NGEF: variants seen among roughly 807,000 people sequenced by gnomAD.
NGEF encodes neuronal guanine nucleotide exchange factor.
Under a neutral mutation model 80.9 loss-of-function variants are expected in NGEF, and 31 were observed. The ratio of observed to expected loss-of-function variants is 0.38; its 90% CI spans 0.29 to 0.52. The LOEUF is 0.52. Among genes scored for constraint, NGEF ranks in the 20% least tolerant of loss-of-function variants. The pLI, the probability that NGEF is intolerant of heterozygous loss-of-function variation, is 0.84. For missense variants in NGEF, 709 were observed against 926.2 expected, an observed-to-expected ratio of 0.77 and a Z score of 3.04; for synonymous variants, 371 against 370.2, an observed-to-expected ratio of 1.00 and a Z score of -0.03.
intron 3 of NGEF, among the ~76,000 whole-genome samples, chr2:232,953,316 A>AAG (rs1553553839): frequency 8.0e-5 from 12 of 149,390 alleles, no homozygotes; most frequent in Non-Finnish European, 1.2e-4. Flanking sequence ...AAAAAAAAAA[A>AAG]AAAAGAAAAA....
intron 8 of NGEF, among the ~76,000 whole-genome samples, chr2:232,890,160 T>C (rs964993019): frequency 8.8e-5 from 11 of 125,116 alleles, no homozygotes; most frequent in African/African-American, 3.2e-4. Context: ...GGAGTCTCAG[T>C]CCTGATTCTG....
chr2:232,948,147 A>ATATGTGTG (rs1553553128), intron 3 of NGEF, among the ~76,000 whole-genome samples: 6,784 of 141,610 alleles, frequency 0.048, 187 homozygotes, highest in African/African-American at 0.062. Context: ...TAGCCTGGAG[A>ATATGTGTG]TGTGTGTGTG....
In NGEF at chr2:232,976,846, G is replaced by A. The variant is rs537881141; in HGVS notation, c.-74-1882C>T. Among the ~76,000 whole-genome samples the A allele has an allele frequency of 9.2e-5, 14 of 152,316 alleles. No homozygotes were observed. In the South Asian group the frequency reaches 1.0e-3, roughly 11 times the overall value. On this transcript the variant is annotated intron_variant, in intron 1 of 14. Transcript: ENST00000264051. ...AGCAATACCTGACCCTTCTGGTCCC[G>A]GCCTCAGTTTCCTGATCCATGAAGT... is the stretch of plus-strand genomic sequence containing the variant.
In NGEF at chr2:232,888,076, T is replaced by C; in HGVS notation, c.1304A>G (p.Glu435Gly). Residue 435 changes from glutamate to glycine, a missense_variant, in exon 9 of 15, where the codon GAG becomes GGG. By Grantham distance (98) the Glu-to-Gly change is moderately conservative. Around this residue, in one of 2 missense-constraint regions of NGEF, gnomAD observed 426 missense variants for 622.9 expected, o/e 0.68. Transcript: ENST00000264051. ...NILKRVEERS[E>G]RECTALDAHK... ...AGCATCCAAAGCAGTGCACTCCCGC[T>C]CAGACCTCTCTTCTACCCTCTTCAG... 1 of 1,612,880 alleles carries C rather than the reference T, an allele frequency of 6.2e-7. No homozygotes were observed.
chr2:232,997,820 T>G (rs1694885054), intron 1 of NGEF, among the ~76,000 whole-genome samples: 1 of 152,188 alleles, frequency 6.6e-6, no homozygotes, highest in Admixed American at 6.5e-5. Flanking sequence ...TTTAGATGGC[T>G]GCACCTTCCC....
chr2:232,916,750 A>G (rs1052477124), intron 5 of NGEF, among the ~76,000 whole-genome samples: 3 of 152,254 alleles, frequency 2.0e-5, no homozygotes, highest in African/African-American at 7.2e-5. Flanking sequence ...GCAATGTGAC[A>G]CTTGTACTGC....
At chr2:232,903,311 A>T (rs1692408859) in intron 5 of NGEF, among the ~76,000 whole-genome samples, 1 of 152,230 alleles carries the variant, frequency 6.6e-6, no homozygotes, top group South Asian at 2.1e-4. Flanking sequence ...GACAGGTTAA[A>T]TACATTATGG....
At chr2:232,973,875 G>A (rs1275867057) in intron 2 of NGEF, among the ~76,000 whole-genome samples, 1 of 152,210 alleles carries the variant, frequency 6.6e-6, no homozygotes, top group Admixed American at 6.5e-5. Context: ...TTTAATGAAT[G>A]TTTTTGAATG....
chr2:232,887,139 CAAAG>C (rs1559191683), intron 9 of NGEF, among the ~76,000 whole-genome samples: 3 of 152,182 alleles, frequency 2.0e-5, no homozygotes, highest in African/African-American at 7.2e-5. Context: ...CATGGGGTGA[CAAAG>C]AAGTGGAATA....
chr2:232,918,639 T>C (rs1230159241), intron 5 of NGEF, among the ~76,000 whole-genome samples: 1 of 150,308 alleles, frequency 6.7e-6, no homozygotes, highest in Non-Finnish European at 1.5e-5. Context: ...TTTTTTTTTT[T>C]TTTTTTTTTT....
Position 232,885,356 on chromosome 2 carries a change from C to G in NGEF, c.1361G>C (p.Cys454Ser), listed in dbSNP as rs781486550. The G allele has an allele frequency of 6.2e-7, 1 of 1,614,156 alleles. No individual in the cohort carries two copies. The stretch of plus-strand genomic sequence containing the variant: ...GCTCATTTTCCTGACGCCCTCGTTG[C>G]ATGCCTTCACCACCTGGGACAAGAA... Reference protein sequence around the residue: ...HKELEMVVKACNEGVRKMSRT... With the variant: ...HKELEMVVKASNEGVRKMSRT... Residue 454 changes from cysteine to serine, a missense_variant, in exon 10 of 15, where the codon TGC becomes TCC. Physicochemically the swap from Cys to Ser is moderately radical, Grantham distance 112. Transcript: ENST00000264051.
chr2:232,978,034 A>C (rs1694332633), intron 1 of NGEF, among the ~76,000 whole-genome samples: 1 of 152,038 alleles, frequency 6.6e-6, no homozygotes, highest in Non-Finnish European at 1.5e-5. Context: ...GGGTTGAGGA[A>C]TCTCCCAGGA....
At position 232,883,319 on chromosome 2, in the gene NGEF, C is replaced by T. The variant is rs376108516; in HGVS notation, c.1749G>A (p.Ala583=). The change falls in exon 12 of 15, where the codon GCG becomes GCA. Residue 583 remains alanine, a synonymous_variant. Coordinates refer to ENST00000264051, the MANE Select transcript of NGEF (RefSeq NM_019850.3). ...GGCGGCGAGGCACTCACTGAGAGGA[C>T]GCCTTTAGCATGTAGGTGGCCTCCC... The part of the protein sequence containing the change: ...DDREATYMLK[A]SSQSEMKRWM... The T allele has an allele frequency of 1.1e-4, 168 of 1,598,514 alleles. No individual in the cohort carries two copies. The highest frequency in any genetic ancestry group is 1.7e-4 in the Middle Eastern group (1 of 5,992).
At position 232,918,112 on chromosome 2, in the gene NGEF, C is replaced by A. The variant is rs187135868; in HGVS notation, c.828+2172G>T. On this transcript the variant is annotated intron_variant, in intron 5 of 14. Transcript: ENST00000264051. ...TAGCTGGGACTACAGGTGGGCGCCA[C>A]CACACCCAGCTAATTTTGTATTTTT... Among the ~76,000 whole-genome samples the A allele has an allele frequency of 2.4e-3, 373 of 152,268 alleles. 1 individual carries two copies. Among genetic ancestry groups the A allele is most frequent in the South Asian group, 0.017 (82 of 4,826 alleles).
chr2:232,928,227 C>CG (rs922643883), intron 3 of NGEF: 4 of 919,110 alleles, frequency 4.4e-6, no homozygotes, highest in Non-Finnish European at 5.2e-6. Flanking sequence ...GCGCGCGCGG[C>CG]GGGGGCGAGG....
chr2:232,950,373 A>C (rs1464535117), intron 3 of NGEF, among the ~76,000 whole-genome samples: 12 of 152,328 alleles, frequency 7.9e-5, no homozygotes, highest in Admixed American at 7.8e-4. Flanking sequence ...TGGAAAAGGA[A>C]CTTCTTTCTA....
At chr2:233,006,461 A>T (rs1347782345) in intron 1 of NGEF, among the ~76,000 whole-genome samples, 1 of 152,198 alleles carries the variant, frequency 6.6e-6, no homozygotes, top group African/African-American at 2.4e-5. Flanking sequence ...GGCACCTCCA[A>T]CTTAGCCAAG....
At chr2:232,943,796 G>A (rs562636359) in intron 3 of NGEF, among the ~76,000 whole-genome samples, 2 of 151,466 alleles carry the variant, frequency 1.3e-5, no homozygotes, top group East Asian at 3.9e-4. Flanking sequence ...TGCCCGGCCC[G>A]GAATGCTCTA....
intron 1 of NGEF, among the ~76,000 whole-genome samples, chr2:232,997,195 A>ATT (rs1408033278): frequency 2.6e-5 from 4 of 152,164 alleles, no homozygotes; most frequent in Non-Finnish European, 5.9e-5. Context: ...AGAGCTTCTG[A>ATT]TTCAGGAAGT....
Sources: gnomAD v4.1 joint callset for allele counts (sites outside exome capture counted in the v4.1 genomes callset) on GRCh38, gnomAD v4.1.1 for gene constraint, gnomAD v4.1.1 regional missense constraint, MANE v1.5 for transcripts, NCBI Gene and HGNC (gene_info 2026-07-23, HGNC 2026-07-21) for gene names.